The following AP4M1 variants were observed in gnomAD, a reference collection of about 807,000 sequenced individuals.
AP4M1 encodes the protein AP-4 complex subunit mu-1.
Under a neutral mutation model 62.4 loss-of-function variants are expected in AP4M1, and 58 were observed. That is an observed-to-expected ratio of 0.93 (90% CI 0.75 to 1.16). The LOEUF (loss-of-function observed/expected upper bound fraction) is 1.16. Ranked by LOEUF, AP4M1 falls within the 50% of genes most tolerant of loss-of-function variation. The pLI is 0.00. For missense variants in AP4M1, 626 were observed against 585.4 expected, an observed-to-expected ratio of 1.07 and a Z score of -0.72; for synonymous variants, 290 against 239.7, an observed-to-expected ratio of 1.21 and a Z score of -1.94.
intron 2 of AP4M1, 112 bp downstream of exon 2, chr7:100,102,080 C>A: frequency 1.6e-6 from 2 of 1,240,952 alleles, no homozygotes; most frequent in Non-Finnish European, 2.3e-6. Flanking sequence ...GTGCATTCCG[C>A]CAAATAAAGC....
rs757055499 is a variant in AP4M1, at chr7:100,104,114, TG to T, written c.568del (p.Asp190MetfsTer9). ...SDQSQKNEVF[L>X]DVVERLSVLI... ...CAGAGCCAAAAGAATGAAGTTTTTT[TG>T]GATGTGGTCGAGAGATTGTCTGTAC... is the stretch of plus-strand genomic sequence containing the variant. On this transcript the variant is annotated frameshift_variant, in exon 7 of 15. Transcript: ENST00000359593. LOFTEE classifies it high-confidence loss of function. 1.9e-6 allele frequency: 3 copies of T among 1,614,128 alleles called. No individual in the cohort carries two copies. In the South Asian group the frequency reaches 3.3e-5, roughly 18 times the overall value.
intron 7 of AP4M1, 118 bp from the exon 8 acceptor site, chr7:100,104,756 G>C: frequency 9.3e-7 from 1 of 1,077,944 alleles, no homozygotes; most frequent in Non-Finnish European, 1.4e-6. Flanking sequence ...TCTTGAACCT[G>C]GGAGGTGGAG....
chr7:100,105,515 T>C lies in AP4M1; in HGVS notation c.905T>C (p.Val302Ala), dbSNP rs139122007. ...SPLPFRLFPS[V>A]QWDRGSGRLQ... ...CTCCCCTTCCGGCTCTTCCCCTCTG[T>C]GCAGTGGGACCGAGGCTCAGGCCGG... The change falls in exon 11 of 15, where the codon GTG becomes GCG. Residue 302 changes from valine (V) to alanine (A), a missense_variant. Val to Ala is a moderately conservative substitution (Grantham distance 64). Coordinates refer to ENST00000359593, the MANE Select transcript of AP4M1 (RefSeq NM_004722.4). 18 of 1,613,724 alleles carry C rather than the reference T, an allele frequency of 1.1e-5. No homozygotes were observed. The highest frequency in any genetic ancestry group is 1.5e-5 in the Non-Finnish European group (18 of 1,180,022).
Position 100,107,998 on chromosome 7 carries a change from T to C in AP4M1, c.*1116T>C. The stretch of plus-strand genomic sequence containing the variant: ...TGGTTGGAGGAGGGGAAGGCTGTGG[T>C]GGGGCAGCCGCTCGTGCAGACACCA... On this transcript the variant is annotated 3_prime_UTR_variant, in exon 15 of 15. Transcript: ENST00000359593. 1 of 1,613,738 alleles carries C rather than the reference T, an allele frequency of 6.2e-7. No individual in the cohort carries two copies.
chr7:100,104,209 G>A, intron 7 of AP4M1, 55 bp downstream of exon 7: 2 of 1,520,924 alleles, frequency 1.3e-6, no homozygotes, highest in Non-Finnish European at 1.8e-6. Flanking sequence ...TGGGAAACAT[G>A]GTGGGGTGGC....
At position 100,107,808 on chromosome 7, in the gene AP4M1, C is replaced by T; in HGVS notation, c.*926C>T. ...AGCCCTGCAGGACCCTGGTGGGCGC[C>T]TCTTCCAGCTCTTGACTTGGGGCCC... is the stretch of plus-strand genomic sequence containing the variant. On this transcript the variant is annotated 3_prime_UTR_variant, in exon 15 of 15. Coordinates refer to ENST00000359593, the MANE Select transcript of AP4M1 (RefSeq NM_004722.4). The T allele has an allele frequency of 6.4e-6, 9 of 1,412,106 alleles. No homozygotes were observed. The highest frequency in any genetic ancestry group is 8.5e-6 in the Non-Finnish European group (9 of 1,055,224). 87.5% of individuals were successfully genotyped at this position (1,412,106 alleles called of 1,614,324 possible).
rs370214240 is a variant in AP4M1 at position 100,106,222 on chromosome 7, G to T, written c.975-19G>T. On this transcript the variant is annotated intron_variant, in intron 12 of 14. Transcript: ENST00000359593. ...ACTGTGCCTTCCTGGGGCTGACTTT[G>T]TTCCCGTCTCCTCTGTAGCCAAGCC... 3 of 1,614,064 alleles carry T rather than the reference G, an allele frequency of 1.9e-6. No individual in the cohort carries two copies. The South Asian group carries it at 3.3e-5, about 18-fold the overall frequency.
intron 13 of AP4M1, 35 bp downstream of exon 13, chr7:100,106,326 G>T (rs2293480): frequency 6.6e-5 from 106 of 1,613,670 alleles, no homozygotes; most frequent in Non-Finnish European, 8.4e-5. Flanking sequence ...GAGATTCCTG[G>T]GGAGAGAGTG....
chr7:100,105,070 G>A lies in AP4M1; in HGVS notation c.699G>A (p.Glu233=). 1 of 1,614,194 alleles carries A rather than the reference G, an allele frequency of 6.2e-7. No individual in the cohort carries two copies. Among genetic ancestry groups the A allele is most frequent in the Non-Finnish European group, 8.5e-7 (1 of 1,180,040 alleles). Residue 233 remains glutamate, a synonymous_variant, in exon 9 of 15, where the codon GAG becomes GAA. Coordinates refer to ENST00000359593, the MANE Select transcript of AP4M1 (RefSeq NM_004722.4). ...AGATGCGCATTGGCTTGACGGAAGA[G>A]TTTTGTGTGGGGAAGTCAGAGCTGA... ...GSEMRIGLTE[E]FCVGKSELRG...
rs1796568591 is a variant in AP4M1, at chr7:100,106,964, C to T, written c.*82C>T. The T allele has an allele frequency of 1.2e-5, 18 of 1,465,302 alleles. No individual in the cohort carries two copies. Among genetic ancestry groups the T allele is most frequent in the Middle Eastern group, 2.0e-4 (1 of 4,962 alleles). The allele number at this position is 1,465,302 out of a possible 1,614,324, so 90.8% of individuals were successfully genotyped here. ...GTCGTTTCTTTTCCAGCCTCCTGGCCTTCGGACTCTGAATCTGGGCAGGAA... is the reference window on the plus strand; with the variant it reads ...GTCGTTTCTTTTCCAGCCTCCTGGCTTTCGGACTCTGAATCTGGGCAGGAA... On this transcript the variant is annotated 3_prime_UTR_variant, in exon 15 of 15. Transcript: ENST00000359593.
intron 14 of AP4M1, 45 bp from the exon 15 acceptor site, chr7:100,106,613 T>C: frequency 8.4e-7 from 1 of 1,193,410 alleles, no homozygotes; most frequent in Non-Finnish European, 1.1e-6. Context: ...CCCAGCGTGG[T>C]CAGCTTCTTG....
upstream of AP4M1, chr7:100,101,168 G>A (rs1355671643): frequency 2.0e-6 from 3 of 1,518,064 alleles, no homozygotes; most frequent in African/African-American, 2.7e-5. Flanking sequence ...CCCAGAACCC[G>A]CCGACCCCGG....
At position 100,106,483 on chromosome 7, in the gene AP4M1, A is replaced by C; in HGVS notation, c.1106A>C (p.Gln369Pro). 6.2e-7 allele frequency: 1 copy of C among 1,613,794 alleles called. No homozygotes were observed. The highest frequency in any genetic ancestry group is 2.2e-5 in the East Asian group (1 of 44,880). The part of the protein sequence containing the change: ...GALRWDLPRV[Q>P]GGSQLSGLFQ... Reference sequence around the variant, plus strand: ...CTTCGCTGGGACCTGCCTCGGGTGCAAGGAGGCTCTCAACTCTCAGGCCTT... The same window carrying C: ...CTTCGCTGGGACCTGCCTCGGGTGCCAGGAGGCTCTCAACTCTCAGGCCTT... Residue 369 changes from glutamine (Q) to proline (P), a missense_variant, in exon 14 of 15, where the codon CAA becomes CCA. Coordinates refer to ENST00000359593, the MANE Select transcript of AP4M1 (RefSeq NM_004722.4).
upstream of AP4M1, chr7:100,101,415 C>A: frequency 7.3e-7 from 1 of 1,369,734 alleles, no homozygotes; most frequent in South Asian, 1.2e-5. Flanking sequence ...AACGTCGCCC[C>A]CCACGTGACC....
upstream of AP4M1, chr7:100,101,377 T>A: frequency 1.9e-6 from 3 of 1,583,890 alleles, no homozygotes; most frequent in Admixed American, 1.7e-5. Context: ...CGCGGTGGAC[T>A]GTGGCCGGCC....
At chr7:100,104,667 C>T (rs1487933859) in intron 7 of AP4M1, among the ~76,000 whole-genome samples, 3 of 152,060 alleles carry the variant, frequency 2.0e-5, no homozygotes, top group African/African-American at 7.2e-5. Context: ...TCCATCTCTA[C>T]TAAAAATACA....
chr7:100,103,902 A>G (rs1426485457), intron 6 of AP4M1, among the ~76,000 whole-genome samples, 190 bp from the exon 7 acceptor site: 4 of 150,912 alleles, frequency 2.7e-5, no homozygotes, highest in Non-Finnish European at 5.9e-5. Context: ...AAAAAAAAAA[A>G]AAAAGAAAAA....
chr7:100,108,558 A>G lies in AP4M1; in HGVS notation c.*1676A>G, dbSNP rs1475973751. On this transcript the variant is annotated 3_prime_UTR_variant, in exon 15 of 15. Transcript: ENST00000359593. ...CAGTGTTTCTGCAGAACAGAAAAAA[A>G]GCCAGGTAGAGGGAGGGCTGGGGAA... is the stretch of plus-strand genomic sequence containing the variant. The G allele has an allele frequency of 3.4e-5, 54 of 1,580,488 alleles. No homozygotes were observed. Among genetic ancestry groups the G allele is most frequent in the Non-Finnish European group, 4.4e-5 (51 of 1,158,090 alleles).
In AP4M1 at chr7:100,107,758, G is replaced by A. The variant is rs1371776026; in HGVS notation, c.*876G>A. On this transcript the variant is annotated 3_prime_UTR_variant, in exon 15 of 15. Transcript: ENST00000359593. ...CACCCTGTAGACAGCTATGGCTGGAGACCTTGTTCATGCAGGGCAGCTACA... is the reference window on the plus strand; with the variant it reads ...CACCCTGTAGACAGCTATGGCTGGAAACCTTGTTCATGCAGGGCAGCTACA... The A allele has an allele frequency of 1.1e-5, 15 of 1,425,838 alleles. No homozygotes were observed. Among genetic ancestry groups the A allele is most frequent in the Middle Eastern group, 2.5e-4 (1 of 4,020 alleles). 88.3% of individuals were successfully genotyped at this position (1,425,838 alleles called of 1,614,324 possible).
Sources: allele counts gnomAD v4.1 joint callset (sites outside exome capture counted in the v4.1 genomes callset), GRCh38; gene constraint gnomAD v4.1.1; transcripts MANE v1.5; gene names NCBI Gene and HGNC (gene_info 2026-07-23, HGNC 2026-07-21).